KIT: variants seen among roughly 807,000 people sequenced by gnomAD.
KIT encodes the protein mast/stem cell growth factor receptor Kit.
A neutral mutation model predicts 105.7 loss-of-function variants in KIT; 16 were observed. The observed-to-expected ratio is 0.15, with a 90% CI of 0.10 to 0.23. The LOEUF is 0.23. Ranked by LOEUF, KIT falls within the 10% of genes least tolerant of loss-of-function variation. The pLI, the probability that KIT is intolerant of heterozygous loss-of-function variation, is 1.00. For missense variants in KIT, 858 were observed against 1,213.8 expected (o/e 0.71, Z 4.36); for synonymous variants, 438 against 441.1 (o/e 0.99, Z 0.09).
chr4:54,695,308 A>T (rs1391466730), intron 1 of KIT, among the ~76,000 whole-genome samples: 1 of 152,172 alleles, frequency 6.6e-6, no homozygotes, highest in Non-Finnish European at 1.5e-5. Context: ...GACCCTCAGG[A>T]TTAATTGAGG....
At chr4:54,710,884 T>A (rs1040776719) in intron 7 of KIT, among the ~76,000 whole-genome samples, 2 of 152,112 alleles carry the variant, frequency 1.3e-5, no homozygotes, top group Non-Finnish European at 2.9e-5. Flanking sequence ...TGTTTTTGTT[T>A]TCAAACATGT....
intron 1 of KIT, among the ~76,000 whole-genome samples, chr4:54,680,030 A>G (rs1026695543): frequency 2.6e-5 from 4 of 152,224 alleles, no homozygotes; most frequent in Admixed American, 2.0e-4. Context: ...ATGGTGAGTC[A>G]TTATGCAATA....
intron 1 of KIT, among the ~76,000 whole-genome samples, chr4:54,660,068 T>G (rs1717137084): frequency 6.6e-6 from 1 of 152,146 alleles, no homozygotes; most frequent in African/African-American, 2.4e-5. Context: ...GGGTCCAGAA[T>G]TCTCCTCCAA....
At chr4:54,724,356 A>G (rs1722085058) in intron 8 of KIT, among the ~76,000 whole-genome samples, 2 of 152,226 alleles carry the variant, frequency 1.3e-5, no homozygotes, top group African/African-American at 4.8e-5. Flanking sequence ...TCACAATTGA[A>G]TAGTTAGTAT....
rs753258292 is a variant in KIT, at chr4:54,703,883, G to A, written c.916G>A (p.Glu306Lys). ...ATCAGCAAATGTCACAACAACCTTG[G>A]AAGTAGTAGGTAAATACCTCTATGG... ...FGSANVTTTL[E>K]VVDKGFINIF... Residue 306 changes from glutamate (E) to lysine (K), a missense_variant, in exon 5 of 21, where the codon GAA becomes AAA. This residue lies in a region of KIT where 401 missense variants were observed against 601.0 expected (regional missense o/e 0.67). Coordinates refer to ENST00000288135, the MANE Select transcript of KIT (RefSeq NM_000222.3). The A allele has an allele frequency of 1.9e-6, 3 of 1,612,706 alleles. No homozygotes were observed. The highest frequency in any genetic ancestry group is 3.3e-5 in the Admixed American group (2 of 60,014).
chr4:54,710,549 T>A (rs559717718), intron 7 of KIT, among the ~76,000 whole-genome samples: 6 of 152,194 alleles, frequency 3.9e-5, no homozygotes, highest in Admixed American at 3.9e-4. Flanking sequence ...GTGGTTTTGT[T>A]TTTTTTTGTT....
At chr4:54,734,539 G>A (rs558404008) in intron 17 of KIT, among the ~76,000 whole-genome samples, 1 of 152,278 alleles carries the variant, frequency 6.6e-6, no homozygotes, top group African/African-American at 2.4e-5. Context: ...TGACAAAGAG[G>A]GGTTGGCTCT....
chr4:54,686,924 T>G (rs1358944827), intron 1 of KIT, among the ~76,000 whole-genome samples: 2 of 152,176 alleles, frequency 1.3e-5, no homozygotes, highest in Admixed American at 1.3e-4. Context: ...AGATCTGAAC[T>G]TAAGAGAAAG....
chr4:54,679,829 C>T (rs1295755135), intron 1 of KIT, among the ~76,000 whole-genome samples: 2 of 152,142 alleles, frequency 1.3e-5, no homozygotes, highest in African/African-American at 4.8e-5. Context: ...ATTATTCAGC[C>T]TTAAAAGGGA....
intron 1 of KIT, among the ~76,000 whole-genome samples, chr4:54,673,092 T>C (rs1293944308): frequency 6.6e-6 from 1 of 152,234 alleles, no homozygotes; most frequent in African/African-American, 2.4e-5. Flanking sequence ...CCTTTATTCT[T>C]TAAAGCCCAC....
intron 3 of KIT, among the ~76,000 whole-genome samples, chr4:54,699,087 A>C (rs1158535268): frequency 2.0e-5 from 3 of 152,220 alleles, no homozygotes; most frequent in South Asian, 2.1e-4. Flanking sequence ...AAGATAATCT[A>C]GGTTTTAAAT....
At chr4:54,728,162 T>C (rs974345337) in intron 13 of KIT, 41 bp downstream of exon 13, 1 of 1,375,716 alleles carries the variant, frequency 7.3e-7, no homozygotes, top group Admixed American at 1.7e-5. Flanking sequence ...TCTGTCAGGT[T>C]ATCAAAACAT....
chr4:54,672,556 T>A (rs1718186515), intron 1 of KIT, among the ~76,000 whole-genome samples: 1 of 152,180 alleles, frequency 6.6e-6, no homozygotes, highest in African/African-American at 2.4e-5. Context: ...CTCTTTACTC[T>A]CCTGAGCTGG....
intron 1 of KIT, among the ~76,000 whole-genome samples, chr4:54,674,279 C>T (rs965182025): frequency 2.6e-5 from 4 of 152,166 alleles, no homozygotes; most frequent in East Asian, 1.9e-4. Context: ...AGTCAGACCC[C>T]TCCCACTCCA....
chr4:54,723,808 A>G (rs1722048420), intron 8 of KIT, 110 bp downstream of exon 8: 1 of 785,210 alleles, frequency 1.3e-6, no homozygotes, highest in Admixed American at 2.1e-5. Flanking sequence ...TGTTTTGATT[A>G]TTGTTTTTTT....
At chr4:54,717,966 GTCTC>G (rs1318179532) in intron 7 of KIT, among the ~76,000 whole-genome samples, 4 of 152,286 alleles carry the variant, frequency 2.6e-5, no homozygotes, top group East Asian at 1.9e-4. Flanking sequence ...GGCTGAAGAA[GTCTC>G]TCTCCAAGTA....
At chr4:54,735,458 A>G (rs1282390904) in intron 17 of KIT, among the ~76,000 whole-genome samples, 2 of 152,104 alleles carry the variant, frequency 1.3e-5, no homozygotes, top group Non-Finnish European at 2.9e-5. Context: ...ATGGCAGATT[A>G]AGATTGGGAA....
chr4:54,702,932 G>T (rs1480350096), intron 4 of KIT, among the ~76,000 whole-genome samples: 1 of 152,152 alleles, frequency 6.6e-6, no homozygotes, highest in Admixed American at 6.5e-5. Flanking sequence ...ATAGGAGTGT[G>T]TGTACATTAC....
chr4:54,722,817 A>ATATATATATGGATTTATATATATATT (rs1721960405), intron 7 of KIT, among the ~76,000 whole-genome samples: 13 of 4,200 alleles, frequency 3.1e-3, no homozygotes, highest in Admixed American at 0.018. Flanking sequence ...ATATATATTT[A>ATATATATATGGATTTATATATATATT]TATATATATA....
Sources: allele counts gnomAD v4.1 joint callset (sites outside exome capture counted in the v4.1 genomes callset), GRCh38; gene constraint gnomAD v4.1.1; regional missense constraint gnomAD v4.1.1; transcripts MANE v1.5; gene names NCBI Gene and HGNC (gene_info 2026-07-23, HGNC 2026-07-21).